The following SLCO6A1 variants were observed in gnomAD, a reference collection of about 807,000 sequenced individuals.
SLCO6A1 encodes the protein solute carrier organic anion transporter family member 6A1.
In SLCO6A1, 65 loss-of-function variants were observed where a neutral mutation model predicts 72.7. That is an observed-to-expected ratio of 0.89 (90% confidence interval 0.73 to 1.10). The LOEUF (loss-of-function observed/expected upper bound fraction) is 1.10. Among genes scored for constraint, SLCO6A1 ranks in the 50% least tolerant of loss-of-function variants. SLCO6A1 has a pLI of 0.00. For missense variants in SLCO6A1, 874 were observed against 872.6 expected (o/e 1.00, Z -0.02); for synonymous variants, 314 against 298.2 (o/e 1.05, Z -0.55).
At chr5:102,475,841 G>T in intron 3 of SLCO6A1, 48 bp from the exon 4 acceptor site, 1 of 1,398,416 alleles carries the variant, frequency 7.2e-7, no homozygotes, top group Non-Finnish European at 9.9e-7. Flanking sequence ...TCATAAGCCA[G>T]CTTCGTTATG....
At chr5:102,380,417 C>CA in intron 12 of SLCO6A1, among the ~76,000 whole-genome samples, 1 of 152,072 alleles carries the variant, frequency 6.6e-6, no homozygotes, top group South Asian at 2.1e-4. Context: ...TCCTTGCCAA[C>CA]AAAAAGAACT....
intron 11 of SLCO6A1, among the ~76,000 whole-genome samples, chr5:102,389,461 C>T (rs1209714034): frequency 8.7e-6 from 1 of 114,488 alleles, no homozygotes; most frequent in Non-Finnish European, 1.9e-5. Flanking sequence ...CACCCCCACA[C>T]ACACAGAGTT....
intron 11 of SLCO6A1, 110 bp from the exon 12 acceptor site, chr5:102,388,935 T>C: frequency 1.1e-6 from 1 of 928,618 alleles, no homozygotes; most frequent in Non-Finnish European, 1.6e-6. Flanking sequence ...TCAAAACATA[T>C]CACTTAAAAT....
chr5:102,420,091 T>C (rs562438540), intron 7 of SLCO6A1, 70 bp from the exon 8 acceptor site: 2 of 1,247,086 alleles, frequency 1.6e-6, no homozygotes, highest in East Asian at 5.3e-5. Context: ...CATACATTGA[T>C]ACAATTTCCT....
intron 4 of SLCO6A1, among the ~76,000 whole-genome samples, chr5:102,462,765 CA>C (rs1751106216): frequency 6.6e-6 from 1 of 152,086 alleles, no homozygotes; most frequent in African/African-American, 2.4e-5. Context: ...TTACCTTATA[CA>C]AAAATCAACT....
intron 7 of SLCO6A1, among the ~76,000 whole-genome samples, chr5:102,438,349 G>A (rs1362442337): frequency 1.3e-5 from 2 of 151,982 alleles, no homozygotes; most frequent in African/African-American, 2.4e-5. Flanking sequence ...ACATGCATGG[G>A]AATGATTCAC....
chr5:102,426,139 A>G (rs1238552101), intron 7 of SLCO6A1, among the ~76,000 whole-genome samples: 1 of 152,208 alleles, frequency 6.6e-6, no homozygotes, highest in Non-Finnish European at 1.5e-5. Context: ...ATAAGACTTA[A>G]ATGTAAAACC....
chr5:102,463,394 A>G (rs1751144676), intron 4 of SLCO6A1, among the ~76,000 whole-genome samples: 1 of 152,230 alleles, frequency 6.6e-6, no homozygotes, highest in South Asian at 2.1e-4. Flanking sequence ...TAGAACTACC[A>G]TTTGATCAAA....
At chr5:102,489,417 C>G (rs1318282556) in intron 1 of SLCO6A1, among the ~76,000 whole-genome samples, 2 of 151,944 alleles carry the variant, frequency 1.3e-5, no homozygotes, top group Non-Finnish European at 2.9e-5. Flanking sequence ...AACAAACAAA[C>G]AAACAAATAA....
At chr5:102,495,377 A>G (rs10463982) in intron 1 of SLCO6A1, among the ~76,000 whole-genome samples, 151,108 of 152,306 alleles carry the variant, frequency 0.99, 74,973 homozygotes, top group Middle Eastern at 1. Context: ...GCGGATCACC[A>G]GAAGTCAGGA....
rs1023788621 is a variant in SLCO6A1, at chr5:102,458,495, T to C, written c.1022-4A>G. On this transcript the variant is annotated splice_polypyrimidine_tract_variant and splice_region_variant and intron_variant, in intron 5 of 13. Coordinates refer to ENST00000506729, the MANE Select transcript of SLCO6A1 (RefSeq NM_173488.5). ...CTAGCTTTTATCCGTGTTGAACCTA[T>C]ATATAAACAAGTAAAAAAACTTATG... The C allele has an allele frequency of 1.3e-6, 2 of 1,596,220 alleles. No individual in the cohort carries two copies. Among genetic ancestry groups the C allele is most frequent in the Non-Finnish European group, 1.7e-6 (2 of 1,171,550 alleles).
intron 11 of SLCO6A1, among the ~76,000 whole-genome samples, chr5:102,389,653 AC>A (rs1746638070): frequency 6.6e-6 from 1 of 152,088 alleles, no homozygotes; most frequent in Non-Finnish European, 1.5e-5. Context: ...AGTTTAAAAA[AC>A]AATTGACTAC....
chr5:102,480,047 G>A (rs1393578556), intron 2 of SLCO6A1, 130 bp downstream of exon 2: 1 of 846,672 alleles, frequency 1.2e-6, no homozygotes, highest in Non-Finnish European at 1.8e-6. Flanking sequence ...AGCAAACTTG[G>A]TCATATAAAT....
At chr5:102,475,636 G>T in intron 4 of SLCO6A1, 61 bp downstream of exon 4, 1 of 1,046,762 alleles carries the variant, frequency 9.6e-7, no homozygotes, top group Non-Finnish European at 1.4e-6. Context: ...TGTAAGCTAT[G>T]GTAGCTATTT....
At chr5:102,415,176 T>A (rs1260698464) in intron 8 of SLCO6A1, among the ~76,000 whole-genome samples, 3 of 152,044 alleles carry the variant, frequency 2.0e-5, no homozygotes, top group African/African-American at 7.2e-5. Context: ...CATCAAAATA[T>A]CAGCATCATT....
chr5:102,419,865 T>G lies in SLCO6A1; in HGVS notation c.1433A>C (p.Asn478Thr). The G allele has an allele frequency of 1.9e-6, 3 of 1,607,844 alleles. No individual in the cohort carries two copies. Among genetic ancestry groups the G allele is most frequent in the Non-Finnish European group, 2.5e-6 (3 of 1,178,312 alleles). ...LLVFIIFVRC[N>T]PVQFAGINED... Reference sequence around the variant, plus strand: ...ATTGATCCCAGCAAATTGCACTGGATTACAGCGTACAAAAATAATAAACAC... The same window carrying G: ...ATTGATCCCAGCAAATTGCACTGGAGTACAGCGTACAAAAATAATAAACAC... The change falls in exon 8 of 14, where the codon AAT (asparagine) becomes ACT (threonine). Residue 478 changes from asparagine (N) to threonine (T), a missense_variant. Asn to Thr is a moderately conservative substitution (Grantham distance 65). Transcript: ENST00000506729.
chr5:102,458,450 A>C lies in SLCO6A1; in HGVS notation c.1063T>G (p.Phe355Val). Residue 355 changes from phenylalanine (F) to valine (V), a missense_variant, in exon 6 of 14, where the codon TTT (phenylalanine) becomes GTT (valine). Coordinates refer to ENST00000506729, the MANE Select transcript of SLCO6A1 (RefSeq NM_173488.5). The part of the protein sequence containing the change: ...IKARKRKQLH[F>V]FDSRLKDLKL... ...AGATCTTTAAGTCTGCTGTCAAAAA[A>C]ATGAAGCTGTTTACGTTTCCTAGCT... 1 of 1,613,062 alleles carries C rather than the reference A, an allele frequency of 6.2e-7. No individual in the cohort carries two copies. Among genetic ancestry groups the C allele is most frequent in the Non-Finnish European group, 8.5e-7 (1 of 1,179,468 alleles).
At chr5:102,415,376 T>G (rs1748225661) in intron 8 of SLCO6A1, among the ~76,000 whole-genome samples, 1 of 151,950 alleles carries the variant, frequency 6.6e-6, no homozygotes, top group Non-Finnish European at 1.5e-5. Flanking sequence ...ATCAATGAAA[T>G]AGAACAGAAA....
rs770944169 is a variant in SLCO6A1 at position 102,477,861 on chromosome 5, T to G, written c.617A>C (p.Asp206Ala). The change falls in exon 3 of 14, where the codon GAT becomes GCT. Residue 206 changes from aspartate to alanine, a missense_variant and splice_region_variant. Transcript: ENST00000506729. ...ENKQSKVGIEDICEEIKVVSG... is the reference protein window; with the variant it reads ...ENKQSKVGIEAICEEIKVVSG... ...GACAACCTTTATTTCTTCGCAAATA[T>G]CTTTTGAAAATACAATGATTATATT... is the stretch of plus-strand genomic sequence containing the variant. The G allele has an allele frequency of 3.1e-6, 5 of 1,592,984 alleles. No homozygotes were observed. Among genetic ancestry groups the G allele is most frequent in the Non-Finnish European group, 4.3e-6 (5 of 1,168,042 alleles).
Sources: gnomAD v4.1 joint callset for allele counts (sites outside exome capture counted in the v4.1 genomes callset) on GRCh38, gnomAD v4.1.1 for gene constraint, MANE v1.5 for transcripts, NCBI Gene and HGNC (gene_info 2026-07-23, HGNC 2026-07-21) for gene names.